Variants in TMEM272 observed in about 807,000 individuals in gnomAD.
The protein encoded by TMEM272 is long intergenic non-protein coding RNA 282.
A neutral mutation model predicts 3.7 loss-of-function variants in TMEM272; 8 were observed. That is an observed-to-expected ratio of 2.17 (90% CI 1.27 to 3.91). The LOEUF (loss-of-function observed/expected upper bound fraction) is 3.91, where lower values mean the gene tolerates loss of function less well. Ranked by LOEUF, TMEM272 falls within the 30% of genes most tolerant of loss-of-function variation. The probability of loss-of-function intolerance (pLI) is 0.00; values close to 1 mark genes in which losing one functional copy is unlikely to be tolerated. For missense variants in TMEM272, 166 were observed against 91.5 expected (o/e 1.81, Z -3.32); for synonymous variants, 63 against 39.8 (o/e 1.58, Z -2.20).
At chr13:51,866,978 A>T in the TMEM272 span, among the ~76,000 whole-genome samples, 1 of 152,212 alleles carries the variant, frequency 6.6e-6, no homozygotes, top group African/African-American at 2.4e-5. Context: ...TGGTCAAGCA[A>T]CTTATGTGCC....
At chr13:51,838,998 G>A (rs548263480) in intron 1 of TMEM272, among the ~76,000 whole-genome samples, 34 of 152,278 alleles carry the variant, frequency 2.2e-4, no homozygotes, top group Non-Finnish European at 4.4e-4. Flanking sequence ...CCTAAGGCCA[G>A]AGCTGGCAAC....
chr13:51,896,348 A>G, the TMEM272 span, among the ~76,000 whole-genome samples: 2 of 152,212 alleles, frequency 1.3e-5, no homozygotes, highest in African/African-American at 4.8e-5. Flanking sequence ...ACAGAGAAAC[A>G]CGTGTGTGTA....
chr13:51,860,566 G>C, the TMEM272 span, among the ~76,000 whole-genome samples: 1 of 138,422 alleles, frequency 7.2e-6, no homozygotes, highest in Non-Finnish European at 1.5e-5. Context: ...TTGAGTCCAG[G>C]AAATTGAGGC....
chr13:51,857,430 G>A, the TMEM272 span, among the ~76,000 whole-genome samples: 1 of 152,086 alleles, frequency 6.6e-6, no homozygotes, highest in Admixed American at 6.6e-5. Flanking sequence ...AATGTATGTT[G>A]ACTAGCAAAA....
At chr13:51,923,887 A>C in the TMEM272 span, among the ~76,000 whole-genome samples, 4 of 152,058 alleles carry the variant, frequency 2.6e-5, no homozygotes, top group East Asian at 7.7e-4. Context: ...CTCAAGAGAA[A>C]ATCTCACCCA....
intron 2 of TMEM272, 36 bp downstream of exon 2, chr13:51,838,437 T>G: frequency 1.4e-6 from 1 of 703,012 alleles, no homozygotes; most frequent in Non-Finnish European, 2.6e-6. Flanking sequence ...GTCTCAATCC[T>G]ACAAAACCAG....
At chr13:51,829,017 CCTAT>C (rs1284135166) in intron 2 of TMEM272, among the ~76,000 whole-genome samples, 16 of 152,332 alleles carry the variant, frequency 1.1e-4, no homozygotes, top group Admixed American at 9.8e-4. Flanking sequence ...AACTTCCTCA[CCTAT>C]CTGTGAGCAG....
At chr13:51,864,945 C>T in the TMEM272 span, among the ~76,000 whole-genome samples, 2 of 152,222 alleles carry the variant, frequency 1.3e-5, no homozygotes, top group African/African-American at 2.4e-5. Flanking sequence ...AGGACATTCA[C>T]ACGTGAGCAT....
chr13:51,891,182 T>C, the TMEM272 span, among the ~76,000 whole-genome samples: 1 of 152,226 alleles, frequency 6.6e-6, no homozygotes, highest in African/African-American at 2.4e-5. Context: ...AAGCCTTCAT[T>C]ATGAGGTTCC....
intron 3 of TMEM272, 68 bp from the exon 4 acceptor site, chr13:51,822,205 T>C (rs1170835270): frequency 4.7e-6 from 3 of 639,152 alleles, no homozygotes; most frequent in Non-Finnish European, 8.4e-6. Flanking sequence ...GTTTTGAAAA[T>C]GAGTGGAACA....
the TMEM272 span, among the ~76,000 whole-genome samples, chr13:51,882,590 G>A: frequency 6.6e-6 from 1 of 151,928 alleles, no homozygotes; most frequent in Non-Finnish European, 1.5e-5. Context: ...TGGCATGGGG[G>A]GTGAGGACAA....
chr13:51,879,977 CAA>C, the TMEM272 span, among the ~76,000 whole-genome samples: 2 of 152,090 alleles, frequency 1.3e-5, no homozygotes, highest in Non-Finnish European at 2.9e-5. Flanking sequence ...TGGTTGACAG[CAA>C]AAAGAGTCAG....
the TMEM272 span, among the ~76,000 whole-genome samples, chr13:51,922,784 G>C: frequency 1.3e-5 from 2 of 152,152 alleles, no homozygotes; most frequent in South Asian, 4.1e-4. Context: ...CAGCTTCTGA[G>C]GCCACCACAG....
At chr13:51,904,206 A>G in the TMEM272 span, among the ~76,000 whole-genome samples, 13 of 152,074 alleles carry the variant, frequency 8.5e-5, no homozygotes, top group African/African-American at 2.9e-4. Context: ...AATGATGGTA[A>G]TATTAATGAT....
chr13:51,909,218 T>C, the TMEM272 span: 6 of 1,271,454 alleles, frequency 4.7e-6, no homozygotes, highest in Non-Finnish European at 6.9e-6. Flanking sequence ...TGAGGTTTCT[T>C]TCAGCAGTCC....
the TMEM272 span, among the ~76,000 whole-genome samples, chr13:51,929,497 GT>G: frequency 6.6e-6 from 1 of 152,224 alleles, no homozygotes; most frequent in East Asian, 1.9e-4. Flanking sequence ...AGACTAGGAG[GT>G]TGTTTTGGTC....
chr13:51,865,843 C>G, the TMEM272 span: 3 of 1,613,776 alleles, frequency 1.9e-6, no homozygotes, highest in Non-Finnish European at 2.5e-6. Flanking sequence ...AGGACAAGGC[C>G]CTGTGGGAGG....
At chr13:51,887,056 CTAAAACGCTA>C in the TMEM272 span, among the ~76,000 whole-genome samples, 1 of 152,314 alleles carries the variant, frequency 6.6e-6, no homozygotes, top group South Asian at 2.1e-4. Context: ...AGCCTAGGAT[CTAAAACGCTA>C]TAAAGGTCTT....
chr13:51,838,161 G>A lies in TMEM272; in HGVS notation c.58+312C>T, dbSNP rs984944562. Among the ~76,000 whole-genome samples, 4 of 152,176 alleles carry A rather than the reference G, an allele frequency of 2.6e-5. No homozygotes were observed. In the East Asian group the frequency reaches 5.8e-4, roughly 22 times the overall value. On this transcript the variant is annotated intron_variant, in intron 2 of 4. Coordinates refer to ENST00000629372, the MANE Select transcript of TMEM272 (RefSeq NM_001351003.2). ...GTCCAAGGTGTCACATTGCCCTGCC[G>A]TGTTGCCCAGCACGGCTGCCATCAT...
Sources: gnomAD v4.1 joint callset for allele counts (sites outside exome capture counted in the v4.1 genomes callset) on GRCh38, gnomAD v4.1.1 for gene constraint, MANE v1.5 for transcripts, NCBI Gene and HGNC (gene_info 2026-07-23, HGNC 2026-07-21) for gene names.